ADAMTS8: variants seen among roughly 807,000 people sequenced by gnomAD.
ADAMTS8 encodes the protein ADAM metallopeptidase with thrombospondin type 1 motif 8.
Under a neutral mutation model 64.4 loss-of-function variants are expected in ADAMTS8, and 50 were observed. The ratio of observed to expected loss-of-function variants is 0.78; its 90% CI spans 0.62 to 0.98. The LOEUF is 0.98. ADAMTS8 is among the 50% of genes least tolerant of loss of function. The pLI is 0.00. For synonymous variants in ADAMTS8, 556 were observed against 533.6 expected, an observed-to-expected ratio of 1.04 and a Z score of -0.58; for missense variants, 1,192 against 1,208.2, an observed-to-expected ratio of 0.99 and a Z score of 0.20.
intron 1 of ADAMTS8, among the ~76,000 whole-genome samples, chr11:130,425,333 T>A (rs1226299993): frequency 6.6e-6 from 1 of 152,154 alleles, no homozygotes; most frequent in African/African-American, 2.4e-5. Flanking sequence ...ATAGCTAGGA[T>A]GTCTGGAGAT....
At chr11:130,418,710 C>T (rs1018090965) in intron 2 of ADAMTS8, among the ~76,000 whole-genome samples, 1 of 152,216 alleles carries the variant, frequency 6.6e-6, no homozygotes, top group Non-Finnish European at 1.5e-5. Flanking sequence ...TGGCTACCTG[C>T]CCCTGTGTTT....
chr11:130,421,628 TC>T (rs1862100327), intron 1 of ADAMTS8, among the ~76,000 whole-genome samples: 2 of 152,180 alleles, frequency 1.3e-5, no homozygotes, highest in South Asian at 4.2e-4. Flanking sequence ...TTTTTGGTTT[TC>T]CCCTCCCAGT....
At chr11:130,415,854 T>C (rs1365602734) in intron 4 of ADAMTS8, among the ~76,000 whole-genome samples, 4 of 152,136 alleles carry the variant, frequency 2.6e-5, no homozygotes, top group Non-Finnish European at 5.9e-5. Flanking sequence ...CTGTTGTAGG[T>C]TCGTCTCTCC....
intron 8 of ADAMTS8, among the ~76,000 whole-genome samples, chr11:130,408,249 A>C (rs1410655050): frequency 6.6e-6 from 1 of 152,190 alleles, no homozygotes; most frequent in Non-Finnish European, 1.5e-5. Context: ...CGACACTGCC[A>C]AGTGCACATC....
intron 1 of ADAMTS8, 135 bp from the exon 2 acceptor site, chr11:130,419,427 A>G (rs1046442452): frequency 1.1e-5 from 14 of 1,263,244 alleles, no homozygotes; most frequent in Non-Finnish European, 1.5e-5. Flanking sequence ...AATACCCCCG[A>G]GGTCTCCGTG....
rs1406018905 is a variant in ADAMTS8, at chr11:130,416,870, C to T, written c.1096+70G>A. The T allele has an allele frequency of 2.2e-5, 36 of 1,606,068 alleles. No individual in the cohort carries two copies. Among genetic ancestry groups the T allele is most frequent in the African/African-American group, 4.0e-5 (3 of 74,800 alleles). On this transcript the variant is annotated intron_variant, in intron 3 of 8. Coordinates refer to ENST00000257359, the MANE Select transcript of ADAMTS8 (RefSeq NM_007037.6). The surrounding 1 kb of genome is among the most constrained non-coding windows in gnomAD (Gnocchi z 4.8). ...AGGGCCGCATATTCCTTAGGATCTA[C>T]GCAACCTTGGATCTGGAAGAGCAGT...
chr11:130,407,484 G>GACAC (rs200542106), intron 8 of ADAMTS8, among the ~76,000 whole-genome samples: 4 of 151,126 alleles, frequency 2.6e-5, no homozygotes, highest in East Asian at 2.0e-4. Context: ...CAGACAGACA[G>GACAC]ACACACACAC....
chr11:130,416,349 T>G lies in ADAMTS8; in HGVS notation c.1097-19A>C. On this transcript the variant is annotated intron_variant, in intron 3 of 8. Coordinates refer to ENST00000257359, the MANE Select transcript of ADAMTS8 (RefSeq NM_007037.6). The surrounding 1 kb of genome is among the most constrained non-coding windows in gnomAD (Gnocchi z 4.8). ...ACGTGCCCTGGGGAGAGAGGCCTGGTCCACTCCGCCCTGTCCTGCCTGAGG... is the reference window on the plus strand; with the variant it reads ...ACGTGCCCTGGGGAGAGAGGCCTGGGCCACTCCGCCCTGTCCTGCCTGAGG... The G allele has an allele frequency of 6.5e-7, 1 of 1,544,698 alleles. No individual in the cohort carries two copies. Among genetic ancestry groups the G allele is most frequent in the Non-Finnish European group, 8.7e-7 (1 of 1,144,544 alleles).
At chr11:130,409,587 C>T (rs1861928228) in intron 6 of ADAMTS8, among the ~76,000 whole-genome samples, 1 of 152,148 alleles carries the variant, frequency 6.6e-6, no homozygotes. Context: ...TCTGCTATTT[C>T]CAAACTGTCA....
chr11:130,414,160 G>T (rs1476559923), intron 5 of ADAMTS8, among the ~76,000 whole-genome samples: 2 of 135,424 alleles, frequency 1.5e-5, no homozygotes, highest in African/African-American at 2.8e-5. Flanking sequence ...GTCTCCCTCT[G>T]TTGCCCAGGC....
intron 1 of ADAMTS8, among the ~76,000 whole-genome samples, chr11:130,419,894 G>T (rs1862078368): frequency 6.6e-6 from 1 of 152,132 alleles, no homozygotes; most frequent in Non-Finnish European, 1.5e-5. Flanking sequence ...TTTGGGGGGG[G>T]ATTTGTTAAC....
At chr11:130,427,129 T>C (rs1862176942) in intron 1 of ADAMTS8, among the ~76,000 whole-genome samples, 1 of 152,262 alleles carries the variant, frequency 6.6e-6, no homozygotes, top group Non-Finnish European at 1.5e-5. Context: ...TGCCTTTCCC[T>C]GGGAGCCTCT....
At chr11:130,421,973 C>G (rs1862105447) in intron 1 of ADAMTS8, among the ~76,000 whole-genome samples, 1 of 152,262 alleles carries the variant, frequency 6.6e-6, no homozygotes, top group Non-Finnish European at 1.5e-5. Flanking sequence ...AGCAGAGCAG[C>G]CGCCCCCCAA....
At position 130,411,703 on chromosome 11, in the gene ADAMTS8, T is replaced by G; in HGVS notation, c.1567-103A>C. On this transcript the variant is annotated intron_variant, in intron 5 of 8. Coordinates refer to ENST00000257359, the MANE Select transcript of ADAMTS8 (RefSeq NM_007037.6). The surrounding 1 kb of genome is among the most constrained non-coding windows in gnomAD (Gnocchi z 4.2). Reference sequence around the variant, plus strand: ...CCCTGGCTTCCTCATCTAGTCATTATCATCTTGGTGCATGGAGTGCCGTAA... The same window carrying G: ...CCCTGGCTTCCTCATCTAGTCATTAGCATCTTGGTGCATGGAGTGCCGTAA... 8.3e-7 allele frequency: 1 copy of G among 1,205,574 alleles called. No individual in the cohort carries two copies. 74.7% of individuals were successfully genotyped at this position (1,205,574 alleles called of 1,614,324 possible).
rs1486913259 is a variant in ADAMTS8 at position 130,427,967 on chromosome 11, T to C, written c.320A>G (p.Asn107Ser). 2.6e-6 allele frequency: 4 copies of C among 1,531,540 alleles called. No homozygotes were observed. The highest frequency in any genetic ancestry group is 1.4e-5 in the African/African-American group (1 of 72,222). The allele number at this position is 1,531,540 out of a possible 1,614,324, so 94.9% of individuals were successfully genotyped here. ...CGCCGCCAGCGACTCGGGCTCCCCA[T>C]TCACGGTGCCGGAGAAGAAGCAGCC... Reference protein sequence around the residue: ...LRGCFFSGTVNGEPESLAAVS... With the variant: ...LRGCFFSGTVSGEPESLAAVS... Residue 107 changes from asparagine to serine, a missense_variant, in exon 1 of 9, where the codon AAT becomes AGT. Physicochemically the swap from Asn to Ser is conservative, Grantham distance 46. Transcript: ENST00000257359.
intron 1 of ADAMTS8, among the ~76,000 whole-genome samples, chr11:130,422,507 GA>G (rs1426793917): frequency 2.0e-5 from 3 of 152,138 alleles, no homozygotes; most frequent in Non-Finnish European, 4.4e-5. Context: ...CGCCTGGGGG[GA>G]GGTCAGGTGA....
rs1326060764 is a variant in ADAMTS8 at position 130,416,103 on chromosome 11, C to T, written c.1264+60G>A. The T allele has an allele frequency of 1.1e-5, 17 of 1,484,212 alleles. No homozygotes were observed. The highest frequency in any genetic ancestry group is 4.0e-5 in the South Asian group (3 of 74,728). The allele number at this position is 1,484,212 out of a possible 1,614,324, so 91.9% of individuals were successfully genotyped here. ...GAGGCACAGCTGGAGGGGGTCTCTG[C>T]GCCAGCACCAGTGGAAGGAGGCCCA... is the stretch of plus-strand genomic sequence containing the variant. On this transcript the variant is annotated intron_variant, in intron 4 of 8. Coordinates refer to ENST00000257359, the MANE Select transcript of ADAMTS8 (RefSeq NM_007037.6). This position sits in a 1 kb window ranked among gnomAD's most constrained non-coding sequence, Gnocchi z 4.8.
chr11:130,424,389 T>C (rs1862136554), intron 1 of ADAMTS8, among the ~76,000 whole-genome samples: 1 of 152,196 alleles, frequency 6.6e-6, no homozygotes, highest in Non-Finnish European at 1.5e-5. Flanking sequence ...CGCTGTGAAT[T>C]GAACACGCTC....
intron 1 of ADAMTS8, among the ~76,000 whole-genome samples, chr11:130,425,549 G>A (rs144698703): frequency 1.3e-5 from 2 of 152,026 alleles, no homozygotes; most frequent in South Asian, 2.1e-4. Context: ...ACCCCGCTCT[G>A]GGTTTGCAAT....
Sources: gnomAD v4.1 joint callset for allele counts (sites outside exome capture counted in the v4.1 genomes callset) on GRCh38, gnomAD v4.1.1 for gene constraint, Gnocchi (gnomAD v3.1) non-coding constraint, MANE v1.5 for transcripts, NCBI Gene and HGNC (gene_info 2026-07-23, HGNC 2026-07-21) for gene names.